Variants in EML1 observed in about 807,000 individuals in gnomAD.
EML1 encodes the protein EMAP like 1, also known as echinoderm microtubule-associated protein-like 1.
EML1 carries 27 observed loss-of-function variants against 110.4 expected under a neutral mutation model. That is an observed-to-expected ratio of 0.24 (90% CI 0.18 to 0.34). The LOEUF (loss-of-function observed/expected upper bound fraction) is 0.34, where lower values mean the gene tolerates loss of function less well. Ranked by LOEUF, EML1 falls within the 10% of genes least tolerant of loss-of-function variation. The pLI, the probability that EML1 is intolerant of heterozygous loss-of-function variation, is 1.00. For synonymous variants in EML1, 344 were observed against 385.8 expected, an observed-to-expected ratio of 0.89 and a Z score of 1.27; for missense variants, 741 against 1,030.9, an observed-to-expected ratio of 0.72 and a Z score of 3.85.
At chr14:99,884,900 C>G (rs1264460201) in intron 4 of EML1, among the ~76,000 whole-genome samples, 1 of 152,132 alleles carries the variant, frequency 6.6e-6, no homozygotes, top group Admixed American at 6.5e-5. Context: ...GCTCATCCTT[C>G]GAGACCCAAC....
intron 17 of EML1, among the ~76,000 whole-genome samples, chr14:99,929,271 C>T (rs951508855): frequency 9.2e-5 from 14 of 152,176 alleles, no homozygotes; most frequent in African/African-American, 3.4e-4. Flanking sequence ...CTTAGTTAGC[C>T]AGGTGACCTT....
intron 1 of EML1, among the ~76,000 whole-genome samples, chr14:99,821,313 T>G (rs1227969576): frequency 1.3e-5 from 2 of 152,192 alleles, no homozygotes; most frequent in East Asian, 3.8e-4. Flanking sequence ...AGCCTCTTAC[T>G]TTAACTTTTA....
At chr14:99,865,705 C>T (rs1238904745) in intron 3 of EML1, 59 bp downstream of exon 3, 9 of 1,567,864 alleles carry the variant, frequency 5.7e-6, no homozygotes, top group Non-Finnish European at 7.8e-6. Flanking sequence ...TAGATTCCAA[C>T]ATGAGTATTA....
chr14:99,892,017 C>A (rs564919032), intron 5 of EML1: 2 of 385,696 alleles, frequency 5.2e-6, no homozygotes. Flanking sequence ...GATCCCTGAA[C>A]CGTGTCCAGA....
chr14:99,801,212 A>G (rs192444796), intron 1 of EML1, among the ~76,000 whole-genome samples: 261 of 152,364 alleles, frequency 1.7e-3, no homozygotes, highest in African/African-American at 6.0e-3. Context: ...ATATTCATGG[A>G]GAGACTTGAG....
intron 1 of EML1, among the ~76,000 whole-genome samples, chr14:99,785,041 C>CT (rs1257665780): frequency 1.5e-3 from 229 of 149,744 alleles, no homozygotes; most frequent in Non-Finnish European, 2.5e-3. Context: ...ATGTAGGCTT[C>CT]TTTTTTTTTT....
chr14:99,914,593 G>GCCAT lies in EML1; in HGVS notation c.1653_1656dup (p.Ala553ProfsTer13). On this transcript the variant is annotated frameshift_variant, in exon 15 of 22. Transcript: ENST00000262233. LOFTEE classifies it high-confidence loss of function. ...TCACACTGATGAGCTCTGGGGACTGGCCATCCATGCCTCAAAATCTCAGTT... is the reference window on the plus strand; with the variant it reads ...TCACACTGATGAGCTCTGGGGACTGGCCATCCATCCATGCCTCAAAATCTCAGTT... The GCCAT allele has an allele frequency of 1.2e-6, 2 of 1,608,916 alleles. No individual in the cohort carries two copies. The highest frequency in any genetic ancestry group is 1.7e-6 in the Non-Finnish European group (2 of 1,179,010).
intron 1 of EML1, among the ~76,000 whole-genome samples, chr14:99,803,848 T>G (rs1595305287): frequency 1.3e-5 from 2 of 152,366 alleles, no homozygotes; most frequent in South Asian, 2.1e-4. Flanking sequence ...TCTCTTATAC[T>G]GCAGCATTAC....
At position 99,779,459 on chromosome 14, in the gene EML1, CT is replaced by C. The variant is rs1299559730; in HGVS notation, c.-27+5453del. On this transcript the variant is annotated intron_variant, in intron 1 of 22. Transcript: ENST00000327921. ...GTTTCCTCATATCCCCTCACTCTAC[CT>C]TTTTTTGTTACTTTTATATGTTCTC... Among the ~76,000 whole-genome samples, 7 of 152,216 alleles carry C rather than the reference CT, an allele frequency of 4.6e-5. No homozygotes were observed. In the East Asian group the frequency reaches 1.2e-3, roughly 25 times the overall value.
chr14:99,934,600 C>T (rs1006568599), intron 17 of EML1, among the ~76,000 whole-genome samples: 1 of 152,242 alleles, frequency 6.6e-6, no homozygotes, highest in African/African-American at 2.4e-5. Context: ...TGGAGCCTCC[C>T]GACTGCTATG....
intron 1 of EML1, among the ~76,000 whole-genome samples, chr14:99,816,516 G>A (rs551886383): frequency 2.0e-4 from 30 of 152,332 alleles, no homozygotes; most frequent in Non-Finnish European, 4.0e-4. Context: ...GATAGGCCTC[G>A]TGCTACAGAT....
intron 1 of EML1, among the ~76,000 whole-genome samples, chr14:99,755,867 T>C (rs528946928): frequency 6.7e-6 from 1 of 150,206 alleles, no homozygotes; most frequent in African/African-American, 2.4e-5. Context: ...AGCCTGGCCC[T>C]GGACCCACCC....
chr14:99,737,857 G>A (rs1346051285), exon 1 of EML1: 8 of 1,289,200 alleles, frequency 6.2e-6, no homozygotes, highest in African/African-American at 6.1e-5. Flanking sequence ...GGGCCCCTCC[G>A]CCGGTGAGTG....
chr14:99,803,738 G>T (rs1480721088), intron 1 of EML1, among the ~76,000 whole-genome samples: 2 of 152,170 alleles, frequency 1.3e-5, no homozygotes, highest in Non-Finnish European at 2.9e-5. Context: ...CAGTAAAAAG[G>T]ATTTGACTTA....
chr14:99,744,504 G>C (rs917835886), intron 1 of EML1, among the ~76,000 whole-genome samples: 2 of 152,190 alleles, frequency 1.3e-5, no homozygotes, highest in Non-Finnish European at 2.9e-5. Context: ...CAGCAGTAAT[G>C]TCTGCACCCC....
At chr14:99,756,047 C>T (rs1399470320) in intron 1 of EML1, among the ~76,000 whole-genome samples, 2 of 152,214 alleles carry the variant, frequency 1.3e-5, no homozygotes, top group African/African-American at 2.4e-5. Context: ...AGGATGGCTC[C>T]GCAAGAGGAC....
At chr14:99,836,115 A>G (rs2058536733) in intron 1 of EML1, among the ~76,000 whole-genome samples, 1 of 152,262 alleles carries the variant, frequency 6.6e-6, no homozygotes, top group Admixed American at 6.5e-5. Context: ...TGTAGATCAA[A>G]TTGAGAAGAA....
At chr14:99,770,779 A>ATTTTTTTTTTTTTTTTTATT, upstream of EML1, among the ~76,000 whole-genome samples, 1 of 91,640 alleles carries the variant, frequency 1.1e-5, no homozygotes, top group East Asian at 4.2e-4. Flanking sequence ...GTTTCCGCTG[A>ATTTTTTTTTTTTTTTTTATT]TTTTTTTTTT....
At chr14:99,853,783 C>T (rs1391305064) in intron 2 of EML1, among the ~76,000 whole-genome samples, 2 of 152,130 alleles carry the variant, frequency 1.3e-5, no homozygotes, top group African/African-American at 4.8e-5. Flanking sequence ...GATTCTCCAG[C>T]CTCAGCTTCC....
Sources: allele counts gnomAD v4.1 joint callset (sites outside exome capture counted in the v4.1 genomes callset), GRCh38; gene constraint gnomAD v4.1.1; transcripts MANE v1.5; gene names NCBI Gene and HGNC (gene_info 2026-07-23, HGNC 2026-07-21).